Variants in CPA6 observed in about 807,000 individuals in gnomAD.
CPA6 encodes the protein carboxypeptidase B.
A neutral mutation model predicts 63.3 loss-of-function variants in CPA6; 58 were observed. The observed-to-expected ratio is 0.92, with a 90% CI of 0.74 to 1.14. The LOEUF is 1.14. Among genes scored for constraint, CPA6 ranks in the 50% most tolerant of loss-of-function variants. The probability of loss-of-function intolerance (pLI) is 0.00; values close to 1 mark genes in which losing one functional copy is unlikely to be tolerated. For missense variants in CPA6, 565 were observed against 526.6 expected (o/e 1.07, Z -0.71); for synonymous variants, 185 against 179.0 (o/e 1.03, Z -0.27).
chr8:67,576,010 A>G (rs1213451693), intron 2 of CPA6, among the ~76,000 whole-genome samples: 2 of 152,232 alleles, frequency 1.3e-5, no homozygotes, highest in African/African-American at 4.8e-5. Context: ...AACTGAGAGT[A>G]GAATGGTGGT....
chr8:67,676,101 C>G (rs535303049), intron 1 of CPA6, among the ~76,000 whole-genome samples: 2 of 152,340 alleles, frequency 1.3e-5, no homozygotes, highest in African/African-American at 4.8e-5. Flanking sequence ...ATGTGACACA[C>G]TATACCTATA....
intron 1 of CPA6, among the ~76,000 whole-genome samples, chr8:67,681,910 T>A (rs1816606945): frequency 6.6e-6 from 1 of 152,128 alleles, no homozygotes; most frequent in Non-Finnish European, 1.5e-5. Context: ...ATTTTAAAAT[T>A]AGCATGTCAA....
At chr8:67,698,527 C>T (rs907785246) in intron 1 of CPA6, among the ~76,000 whole-genome samples, 10 of 152,210 alleles carry the variant, frequency 6.6e-5, no homozygotes, top group Admixed American at 6.5e-5. Flanking sequence ...AGTTTGGGAA[C>T]ACATTCTAAG....
chr8:67,568,732 G>A (rs560626713), intron 2 of CPA6, among the ~76,000 whole-genome samples: 29 of 152,162 alleles, frequency 1.9e-4, no homozygotes, highest in Admixed American at 9.2e-4. Flanking sequence ...AAGAGAAAAC[G>A]GGCCAGGAAG....
intron 1 of CPA6, among the ~76,000 whole-genome samples, chr8:67,724,113 A>G (rs1817553429): frequency 6.6e-6 from 1 of 151,462 alleles, no homozygotes; most frequent in Non-Finnish European, 1.5e-5. Flanking sequence ...AAGCATACAA[A>G]TTCACTGACT....
intron 5 of CPA6, among the ~76,000 whole-genome samples, chr8:67,507,632 T>C (rs1222226844): frequency 6.6e-6 from 1 of 152,112 alleles, no homozygotes; most frequent in African/African-American, 2.4e-5. Context: ...TACTGGAGAT[T>C]CAAACATGAA....
chr8:67,562,729 C>T (rs1439873513), intron 2 of CPA6, among the ~76,000 whole-genome samples: 1 of 152,148 alleles, frequency 6.6e-6, no homozygotes, highest in Non-Finnish European at 1.5e-5. Flanking sequence ...CATGTAAGGA[C>T]ACAGTGGAAA....
At chr8:67,443,041 T>C (rs1810329733) in intron 8 of CPA6, among the ~76,000 whole-genome samples, 1 of 150,982 alleles carries the variant, frequency 6.6e-6, no homozygotes, top group African/African-American at 2.4e-5. Context: ...ACCTGCATCA[T>C]GGCAAAAAAG....
At chr8:67,606,158 A>T (rs143734734) in intron 2 of CPA6, among the ~76,000 whole-genome samples, 3,605 of 131,726 alleles carry the variant, frequency 0.027, 77 homozygotes, top group African/African-American at 0.064. Flanking sequence ...CAGGAAGGGG[A>T]ACATCACACT....
chr8:67,614,254 C>A (rs1814885244), intron 2 of CPA6, among the ~76,000 whole-genome samples: 1 of 152,214 alleles, frequency 6.6e-6, no homozygotes, highest in Non-Finnish European at 1.5e-5. Context: ...CTCCCCATCC[C>A]ACATGGGGTT....
intron 8 of CPA6, among the ~76,000 whole-genome samples, chr8:67,435,333 A>T (rs1810125698): frequency 6.6e-6 from 1 of 151,944 alleles, no homozygotes; most frequent in Non-Finnish European, 1.5e-5. Context: ...GCTCAGGCAG[A>T]TGGCAGAAGG....
At chr8:67,618,498 A>G (rs968492330) in intron 2 of CPA6, among the ~76,000 whole-genome samples, 75 of 152,302 alleles carry the variant, frequency 4.9e-4, no homozygotes, top group African/African-American at 1.8e-3. Context: ...TTTCATGTAC[A>G]AAGCAAGGGA....
chr8:67,514,008 G>A (rs1411831251), intron 3 of CPA6, among the ~76,000 whole-genome samples: 1 of 151,824 alleles, frequency 6.6e-6, no homozygotes, highest in Non-Finnish European at 1.5e-5. Context: ...ACCCAGGCTG[G>A]AGTGCAGTGG....
intron 2 of CPA6, among the ~76,000 whole-genome samples, chr8:67,588,760 T>G (rs1205136015): frequency 6.6e-6 from 1 of 152,228 alleles, no homozygotes; most frequent in Non-Finnish European, 1.5e-5. Flanking sequence ...TTCTTACATT[T>G]TGTTTTCATT....
intron 1 of CPA6, among the ~76,000 whole-genome samples, chr8:67,701,980 C>A (rs115177655): frequency 2.6e-3 from 403 of 152,174 alleles, no homozygotes; most frequent in African/African-American, 9.3e-3. Flanking sequence ...GAAGATTGTG[C>A]GTGCAGTGTT....
intron 1 of CPA6, among the ~76,000 whole-genome samples, chr8:67,652,916 A>G (rs1377143780): frequency 2.0e-5 from 3 of 150,274 alleles, no homozygotes; most frequent in Non-Finnish European, 4.5e-5. Flanking sequence ...TAATTTTTGT[A>G]TAAGGTGTAA....
intron 1 of CPA6, among the ~76,000 whole-genome samples, chr8:67,669,412 A>T (rs1013149637): frequency 1.3e-5 from 2 of 152,200 alleles, no homozygotes; most frequent in African/African-American, 4.8e-5. Flanking sequence ...GGTTGATTTG[A>T]TCAAATTATA....
Position 67,469,265 on chromosome 8 carries a change from C to A in CPA6, c.838+14503G>T, listed in dbSNP as rs72654988. ...GTGGGCTTTGGGTAAGGCAGATTAC[C>A]CTCCATAAAGTGGGTGGGCCTCATC... On this transcript the variant is annotated intron_variant, in intron 8 of 10. Coordinates refer to ENST00000297770, the MANE Select transcript of CPA6 (RefSeq NM_020361.5). 7.2e-3 allele frequency among the ~76,000 whole-genome samples: 1,092 copies of A among 152,100 alleles called. 4 individuals are homozygous for A. Among genetic ancestry groups the A allele is most frequent in the Non-Finnish European group, 0.012 (810 of 67,976 alleles).
chr8:67,700,517 G>A (rs1214706938), intron 1 of CPA6, among the ~76,000 whole-genome samples: 1 of 151,870 alleles, frequency 6.6e-6, no homozygotes, highest in Non-Finnish European at 1.5e-5. Flanking sequence ...TGGTATTTTG[G>A]GGAGACAAGT....
Sources: gnomAD v4.1 joint callset for allele counts (sites outside exome capture counted in the v4.1 genomes callset) on GRCh38, gnomAD v4.1.1 for gene constraint, MANE v1.5 for transcripts, NCBI Gene and HGNC (gene_info 2026-07-23, HGNC 2026-07-21) for gene names.